The following MCCC1 variants were observed in gnomAD, a reference collection of about 807,000 sequenced individuals.
MCCC1 encodes the protein methylcrotonyl-CoA carboxylase subunit 1.
Under a neutral mutation model 83.8 loss-of-function variants are expected in MCCC1, and 64 were observed. That is an observed-to-expected ratio of 0.76 (90% CI 0.62 to 0.94). The LOEUF is 0.94. MCCC1 is among the 40% of genes least tolerant of loss of function. MCCC1 has a pLI of 0.00. For missense variants in MCCC1, 807 were observed against 904.7 expected (o/e 0.89, Z 1.39); for synonymous variants, 322 against 315.4 (o/e 1.02, Z -0.22).
chr3:183,071,566 C>G (rs999447476), intron 5 of MCCC1, among the ~76,000 whole-genome samples: 2 of 152,132 alleles, frequency 1.3e-5, no homozygotes, highest in African/African-American at 4.8e-5. Context: ...ATTTTTTAAT[C>G]CCAAAATACT....
At chr3:183,072,343 T>C in intron 5 of MCCC1, 23 bp downstream of exon 5, 1 of 1,612,944 alleles carries the variant, frequency 6.2e-7, no homozygotes, top group Non-Finnish European at 8.5e-7. Context: ...TACAGTTATA[T>C]TTTAAAAGAT....
intron 9 of MCCC1, among the ~76,000 whole-genome samples, chr3:183,046,038 TA>T (rs1215012339): frequency 6.6e-6 from 1 of 152,250 alleles, no homozygotes; most frequent in Non-Finnish European, 1.5e-5. Flanking sequence ...TATTAAGCTC[TA>T]AAAAATTTCC....
intron 8 of MCCC1, among the ~76,000 whole-genome samples, chr3:183,052,636 G>A (rs1469571057): frequency 4.0e-5 from 6 of 151,000 alleles, no homozygotes; most frequent in Admixed American, 6.7e-5. Flanking sequence ...GTGAAACCCT[G>A]TCTCTACTAA....
chr3:183,067,891 T>A (rs934280987), intron 7 of MCCC1, among the ~76,000 whole-genome samples: 7 of 152,284 alleles, frequency 4.6e-5, no homozygotes, highest in South Asian at 4.1e-4. Flanking sequence ...AATTTTTTTT[T>A]AAAAACACAT....
intron 1 of MCCC1, among the ~76,000 whole-genome samples, chr3:183,111,512 C>G (rs546911506): frequency 1.1e-4 from 16 of 152,290 alleles, no homozygotes; most frequent in African/African-American, 3.8e-4. Flanking sequence ...GTTGGCCAGG[C>G]TGGTTTCGAA....
chr3:183,105,234 C>T (rs1054854315), intron 1 of MCCC1, among the ~76,000 whole-genome samples: 5 of 152,158 alleles, frequency 3.3e-5, no homozygotes, highest in African/African-American at 1.2e-4. Context: ...ATCCCAGCTA[C>T]TTGGGAGGCT....
chr3:183,092,377 G>C (rs114484300), intron 3 of MCCC1, 32 bp downstream of exon 3: 4 of 1,613,658 alleles, frequency 2.5e-6, no homozygotes, highest in Non-Finnish European at 1.7e-6. Context: ...ACGAATAAAC[G>C]TAAGACGTGG....
intron 1 of MCCC1, among the ~76,000 whole-genome samples, chr3:183,114,657 G>A (rs1420266720): frequency 1.3e-5 from 2 of 152,176 alleles, no homozygotes; most frequent in African/African-American, 4.8e-5. Context: ...GGGGAAGAAG[G>A]GGAAGAATCT....
At chr3:183,058,135 C>G (rs1021405716) in intron 7 of MCCC1, among the ~76,000 whole-genome samples, 4 of 152,136 alleles carry the variant, frequency 2.6e-5, no homozygotes, top group Non-Finnish European at 5.9e-5. Context: ...ATTATAGTCA[C>G]TTCCTATATT....
intron 7 of MCCC1, among the ~76,000 whole-genome samples, chr3:183,068,718 G>A (rs1220906569): frequency 6.6e-6 from 1 of 152,178 alleles, no homozygotes; most frequent in African/African-American, 2.4e-5. Flanking sequence ...TTATGATAGA[G>A]CTGAAAAATT....
intron 4 of MCCC1, among the ~76,000 whole-genome samples, chr3:183,076,180 TCCCATGTG>T (rs1717058268): frequency 6.6e-6 from 1 of 152,198 alleles, no homozygotes. Flanking sequence ...TTGAAAAAGT[TCCCATGTG>T]CCCATGTGCA....
Position 183,099,365 on chromosome 3 carries a change from G to C in MCCC1, c.76C>G (p.Leu26Val). ...RNRWHRLPSL[L>V]LPPRTWVWRQ... is the part of the protein sequence containing the mutation. ...CCCTCCACCCACCTCGGCGGCAGGA[G>C]CAGGCTCGGGAGACGATGCCACCGG... is the stretch of plus-strand genomic sequence containing the variant. Residue 26 changes from leucine to valine, a missense_variant, in exon 1 of 19, where the codon CTC becomes GTC. Coordinates refer to ENST00000265594, the MANE Select transcript of MCCC1 (RefSeq NM_020166.5). The C allele has an allele frequency of 6.2e-7, 1 of 1,600,968 alleles. No homozygotes were observed. Among genetic ancestry groups the C allele is most frequent in the South Asian group, 1.1e-5 (1 of 89,412 alleles).
chr3:183,023,710 A>G (rs1237096220), intron 15 of MCCC1, among the ~76,000 whole-genome samples: 1 of 152,216 alleles, frequency 6.6e-6, no homozygotes, highest in Non-Finnish European at 1.5e-5. Context: ...TCTGTTCTGC[A>G]GGATTTGACA....
At position 183,064,833 on chromosome 3, in the gene MCCC1, T is replaced by C. The variant is rs1716132907; in HGVS notation, c.761+6166A>G. Among the ~76,000 whole-genome samples, 1 of 152,218 alleles carries C rather than the reference T, an allele frequency of 6.6e-6. No homozygotes were observed. Among genetic ancestry groups the C allele is most frequent in the Non-Finnish European group, 1.5e-5 (1 of 68,036 alleles). On this transcript the variant is annotated intron_variant, in intron 7 of 18. Transcript: ENST00000265594. This position sits in a 1 kb window ranked among gnomAD's most constrained non-coding sequence, Gnocchi z 4.5. The stretch of plus-strand genomic sequence containing the variant: ...AAAAGATCCCTTCTTAACTGACAAG[T>C]GGCCACCTGAACTTTTTATTTAGTG...
At chr3:183,052,292 A>T (rs766536645) in intron 8 of MCCC1, 52 bp from the exon 9 acceptor site, 1 of 1,515,348 alleles carries the variant, frequency 6.6e-7, no homozygotes, top group South Asian at 1.1e-5. Context: ...CCTTACTAGA[A>T]ATTCCATTAA....
chr3:183,025,908 T>C (rs971053567), intron 14 of MCCC1, 104 bp from the exon 15 acceptor site: 25 of 1,003,942 alleles, frequency 2.5e-5, no homozygotes, highest in Non-Finnish European at 3.7e-5. Flanking sequence ...CAACCAACTA[T>C]TCAAAGGAAA....
upstream of MCCC1, among the ~76,000 whole-genome samples, chr3:183,102,822 T>C (rs1009648892): frequency 7.5e-6 from 1 of 134,076 alleles, no homozygotes; most frequent in Non-Finnish European, 1.5e-5. Context: ...AGTCTCTCTC[T>C]GTTGCCCAGG....
chr3:183,099,384 C>A lies in MCCC1; in HGVS notation c.57G>T (p.Trp19Cys), dbSNP rs1180041673. ...GCAGGAGCAGGCTCGGGAGACGATG[C>A]CACCGGTTCCTCTCCGCCGCCACCA... ...VLLVAAERNR[W>C]HRLPSLLLPP... Residue 19 changes from tryptophan to cysteine, a missense_variant, in exon 1 of 19, where the codon TGG becomes TGT. By Grantham distance (215) the Trp-to-Cys change is radical. Coordinates refer to ENST00000265594, the MANE Select transcript of MCCC1 (RefSeq NM_020166.5). The A allele has an allele frequency of 6.2e-7, 1 of 1,603,826 alleles. No individual in the cohort carries two copies.
intron 11 of MCCC1, 126 bp from the exon 12 acceptor site, chr3:183,039,261 A>C: frequency 1.0e-6 from 1 of 971,500 alleles, no homozygotes; most frequent in South Asian, 1.4e-5. Context: ...ATAAATAACA[A>C]CACAAATTTA....
Sources: allele counts gnomAD v4.1 joint callset (sites outside exome capture counted in the v4.1 genomes callset), GRCh38; gene constraint gnomAD v4.1.1; non-coding constraint Gnocchi (gnomAD v3.1); transcripts MANE v1.5; gene names NCBI Gene and HGNC (gene_info 2026-07-23, HGNC 2026-07-21).